CYRIB: variants seen among roughly 807,000 people sequenced by gnomAD.
CYRIB encodes the protein CYFIP-related Rac1 interactor B.
In CYRIB, 8 loss-of-function variants were observed where a neutral mutation model predicts 44.2. The ratio of observed to expected loss-of-function variants is 0.18; its 90% CI spans 0.11 to 0.33. The LOEUF (loss-of-function observed/expected upper bound fraction) is 0.33, where lower values mean the gene tolerates loss of function less well. Among genes scored for constraint, CYRIB ranks in the 10% least tolerant of loss-of-function variants. CYRIB has a pLI of 1.00. For synonymous variants in CYRIB, 131 were observed against 127.2 expected, an observed-to-expected ratio of 1.03 and a Z score of -0.20; for missense variants, 185 against 382.8, an observed-to-expected ratio of 0.48 and a Z score of 4.31.
chr8:129,869,115 G>A (rs1449237029), intron 4 of CYRIB, among the ~76,000 whole-genome samples: 1 of 151,316 alleles, frequency 6.6e-6, no homozygotes, highest in Non-Finnish European at 1.5e-5. Context: ...GCTGGGCGCG[G>A]TGGTTCACGC....
At chr8:129,882,283 C>CT (rs1300336156) in intron 2 of CYRIB, among the ~76,000 whole-genome samples, 13 of 152,144 alleles carry the variant, frequency 8.5e-5, no homozygotes, top group Admixed American at 2.6e-4. Flanking sequence ...GTAGTTAACC[C>CT]TTTTGGGGAC....
intron 11 of CYRIB, among the ~76,000 whole-genome samples, chr8:129,844,968 CA>C (rs2131047160): frequency 6.6e-6 from 1 of 152,260 alleles, no homozygotes; most frequent in South Asian, 2.1e-4. Context: ...CTAAAAGCAA[CA>C]TTTTATTTTC....
At chr8:129,907,200 C>T (rs1187525266) in intron 1 of CYRIB, among the ~76,000 whole-genome samples, 1 of 152,118 alleles carries the variant, frequency 6.6e-6, no homozygotes, top group Non-Finnish European at 1.5e-5. Context: ...GGAACCAACC[C>T]AAATGTCCAA....
At chr8:129,898,878 T>G (rs2069793859) in intron 2 of CYRIB, among the ~76,000 whole-genome samples, 2 of 152,130 alleles carry the variant, frequency 1.3e-5, no homozygotes, top group Admixed American at 1.3e-4. Flanking sequence ...GCCTTTCTTT[T>G]TTTTTTTGGA....
chr8:129,849,456 A>G (rs2131393821), intron 9 of CYRIB, 87 bp from the exon 12 acceptor site: 1 of 1,317,770 alleles, frequency 7.6e-7, no homozygotes, highest in East Asian at 2.5e-5. Flanking sequence ...CCTCTTCTGA[A>G]ATATTTTATT....
intron 1 of CYRIB, among the ~76,000 whole-genome samples, chr8:130,011,959 T>C (rs1241024562): frequency 6.6e-6 from 1 of 152,118 alleles, no homozygotes; most frequent in Non-Finnish European, 1.5e-5. Context: ...CTCTCTTCCC[T>C]CATTTCTCTA....
intron 2 of CYRIB, among the ~76,000 whole-genome samples, chr8:129,963,278 C>A (rs1172118930): frequency 1.3e-5 from 2 of 152,232 alleles, no homozygotes; most frequent in Non-Finnish European, 2.9e-5. Context: ...CATAAACCAA[C>A]AAATCCCCTT....
chr8:129,882,127 C>A (rs986324743), intron 2 of CYRIB, among the ~76,000 whole-genome samples: 10 of 152,126 alleles, frequency 6.6e-5, no homozygotes, highest in African/African-American at 2.4e-4. Context: ...AAAATTGGAA[C>A]TACAGATGAA....
At chr8:129,956,608 T>C (rs1182984905) in intron 2 of CYRIB, among the ~76,000 whole-genome samples, 2 of 152,144 alleles carry the variant, frequency 1.3e-5, no homozygotes, top group Non-Finnish European at 2.9e-5. Context: ...GTAGTGGTTA[T>C]ATCACTTAGG....
chr8:129,922,524 T>C (rs2084233165), intron 1 of CYRIB, among the ~76,000 whole-genome samples: 1 of 151,980 alleles, frequency 6.6e-6, no homozygotes, highest in Non-Finnish European at 1.5e-5. Flanking sequence ...ATTATAAAAG[T>C]AGAACACCCA....
At chr8:129,957,731 C>T (rs12548669) in intron 2 of CYRIB, among the ~76,000 whole-genome samples, 44,197 of 151,528 alleles carry the variant, frequency 0.29, 7,114 homozygotes, top group African/African-American at 0.42. Flanking sequence ...TTTGGGAGGC[C>T]GAAGCAGGTG....
intron 1 of CYRIB, among the ~76,000 whole-genome samples, chr8:130,006,607 C>CACACATATATATGTATATAT (rs1359122569): frequency 1.4e-4 from 1 of 7,120 alleles, no homozygotes; most frequent in African/African-American, 4.1e-4. Flanking sequence ...TATATATATA[C>CACACATATATATGTATATAT]ATATATATGT....
chr8:129,992,763 T>A (rs1403167428), intron 1 of CYRIB, among the ~76,000 whole-genome samples: 1 of 152,138 alleles, frequency 6.6e-6, no homozygotes, highest in Non-Finnish European at 1.5e-5. Flanking sequence ...ACAGTTGAGA[T>A]CGCTAACAAC....
At chr8:129,982,035 T>C (rs957676698) in intron 1 of CYRIB, among the ~76,000 whole-genome samples, 5 of 152,222 alleles carry the variant, frequency 3.3e-5, no homozygotes, top group African/African-American at 1.2e-4. Flanking sequence ...GGATACTGTG[T>C]GTAGTGAACA....
chr8:129,920,540 T>C (rs1284221785), intron 1 of CYRIB, among the ~76,000 whole-genome samples: 2 of 152,152 alleles, frequency 1.3e-5, no homozygotes, highest in Non-Finnish European at 2.9e-5. Context: ...TAACAGATAG[T>C]CACCCACAAA....
At chr8:129,897,068 A>G in intron 2 of CYRIB, among the ~76,000 whole-genome samples, 1 of 152,200 alleles carries the variant, frequency 6.6e-6, no homozygotes, top group East Asian at 1.9e-4. Context: ...AGTCACTGTG[A>G]AGAGTGAAAG....
intron 2 of CYRIB, among the ~76,000 whole-genome samples, chr8:129,900,327 C>T (rs1191046501): frequency 1.3e-5 from 2 of 152,120 alleles, no homozygotes; most frequent in Non-Finnish European, 2.9e-5. Context: ...GAAACAAAAA[C>T]GAAAGTCACG....
chr8:130,014,399 C>G (rs1000175237), intron 1 of CYRIB, among the ~76,000 whole-genome samples: 2 of 152,222 alleles, frequency 1.3e-5, no homozygotes, highest in Non-Finnish European at 2.9e-5. Flanking sequence ...TACTTCTGCA[C>G]TACTTCAACC....
At chr8:129,944,487 A>G (rs1008958641), upstream of CYRIB, among the ~76,000 whole-genome samples, 1 of 152,110 alleles carries the variant, frequency 6.6e-6, no homozygotes, top group African/African-American at 2.4e-5. Flanking sequence ...TTATCCATGT[A>G]AATGCACTTG....
Sources: allele counts gnomAD v4.1 joint callset (sites outside exome capture counted in the v4.1 genomes callset), GRCh38; gene constraint gnomAD v4.1.1; transcripts MANE v1.5; gene names NCBI Gene and HGNC (gene_info 2026-07-23, HGNC 2026-07-21).